Variants in SF3B3 observed in about 807,000 individuals in gnomAD.
SF3B3 encodes splicing factor 3b subunit 3.
A neutral mutation model predicts 139.2 loss-of-function variants in SF3B3; 33 were observed. That is an observed-to-expected ratio of 0.24 (90% CI 0.18 to 0.32). SF3B3 has a LOEUF of 0.32. Among genes scored for constraint, SF3B3 ranks in the 10% least tolerant of loss-of-function variants. SF3B3 has a pLI of 1.00. For missense variants in SF3B3, 818 were observed against 1,509.4 expected, an observed-to-expected ratio of 0.54 and a Z score of 7.59; for synonymous variants, 596 against 563.6, an observed-to-expected ratio of 1.06 and a Z score of -0.81.
intron 5 of SF3B3, 40 bp from the exon 6 acceptor site, chr16:70,535,268 C>G: frequency 9.6e-7 from 1 of 1,042,370 alleles, no homozygotes; most frequent in South Asian, 1.5e-5. Context: ...AAATTCATGT[C>G]TGAGTCAAAG....
At chr16:70,565,592 A>G in intron 20 of SF3B3, 68 bp downstream of exon 20, 2 of 1,458,422 alleles carry the variant, frequency 1.4e-6, no homozygotes, top group African/African-American at 1.4e-5. Context: ...TGCTTATGTT[A>G]TGGATCAGGT....
At chr16:70,564,613 CT>C (rs2050458565) in intron 18 of SF3B3, among the ~76,000 whole-genome samples, 1 of 152,180 alleles carries the variant, frequency 6.6e-6, no homozygotes, top group Non-Finnish European at 1.5e-5. Context: ...AAAGAGACAG[CT>C]TTCATGTTCT....
At chr16:70,555,477 CAAAAA>C (rs33955800) in intron 13 of SF3B3, among the ~76,000 whole-genome samples, 5 of 73,114 alleles carry the variant, frequency 6.8e-5, no homozygotes, top group South Asian at 9.1e-4. Context: ...GACTCCGTCT[CAAAAA>C]AAAAAAAAAA....
rs2050577726 is a variant in SF3B3, at chr16:70,576,100, AG to A, written c.*4288del. 6.6e-6 allele frequency: 1 copy of A among 151,974 alleles called. No homozygotes were observed. Among genetic ancestry groups the A allele is most frequent in the African/African-American group, 2.4e-5 (1 of 41,344 alleles). The allele number at this position is 151,974 out of a possible 1,614,324, so 9.4% of individuals were successfully genotyped here. ...GCCCTGTTTTTTTTTTTTTAAAAAA[AG>A]AGTCTGCTGGTGATGTCTGGGCATG... On this transcript the variant is annotated 3_prime_UTR_variant, in exon 26 of 26. Coordinates refer to ENST00000302516, the MANE Select transcript of SF3B3 (RefSeq NM_012426.5).
intron 9 of SF3B3, among the ~76,000 whole-genome samples, chr16:70,542,612 A>G (rs2050229919): frequency 1.3e-5 from 2 of 152,312 alleles, no homozygotes; most frequent in Middle Eastern, 3.4e-3. Context: ...GCATTCAGAC[A>G]GGTTTAATTA....
At chr16:70,538,633 A>G (rs767594038) in intron 7 of SF3B3, among the ~76,000 whole-genome samples, 173 bp downstream of exon 7, 3 of 152,242 alleles carry the variant, frequency 2.0e-5, no homozygotes, top group Admixed American at 6.5e-5. Flanking sequence ...GTAATCTTAC[A>G]TACAATATAA....
rs1469647150 is a variant in SF3B3 at position 70,576,578 on chromosome 16, T to A, written c.*4765T>A. The A allele has an allele frequency of 6.6e-6, 1 of 152,204 alleles. No homozygotes were observed. The highest frequency in any genetic ancestry group is 1.5e-5 in the Non-Finnish European group (1 of 68,044). The allele number at this position is 152,204 out of a possible 1,614,324, so 9.4% of individuals were successfully genotyped here. On this transcript the variant is annotated 3_prime_UTR_variant, in exon 26 of 26. Transcript: ENST00000302516. ...AGTAACACGTGATGGTCAAGGGAAGTACTACCATTTCCTGTGGGTTATTAG... is the reference window on the plus strand; with the variant it reads ...AGTAACACGTGATGGTCAAGGGAAGAACTACCATTTCCTGTGGGTTATTAG...
chr16:70,563,219 T>C (rs2151792732), intron 17 of SF3B3, among the ~76,000 whole-genome samples: 1 of 152,302 alleles, frequency 6.6e-6, no homozygotes, highest in Non-Finnish European at 1.5e-5. Flanking sequence ...ATCTGCCTGC[T>C]TTGGCCTCCC....
Position 70,571,864 on chromosome 16 carries a change from C to T in SF3B3, c.*51C>T, listed in dbSNP as rs757213454. The T allele has an allele frequency of 1.3e-6, 2 of 1,561,626 alleles. No individual in the cohort carries two copies. The highest frequency in any genetic ancestry group is 2.3e-5 in the East Asian group (1 of 44,366). The stretch of plus-strand genomic sequence containing the variant: ...CAGAGACTGTGTGTTTTGTTTCCCC[C>T]ACCACCATCACTGCCACCTGGCTTC... On this transcript the variant is annotated 3_prime_UTR_variant, in exon 26 of 26. Transcript: ENST00000302516.
intron 9 of SF3B3, 94 bp from the exon 10 acceptor site, chr16:70,544,344 G>A: frequency 1.4e-6 from 1 of 732,302 alleles, no homozygotes; most frequent in East Asian, 2.5e-5. Context: ...AATTGTATTG[G>A]AAAGCAGCTG....
At chr16:70,550,976 A>G (rs1459185483) in intron 11 of SF3B3, among the ~76,000 whole-genome samples, 3 of 152,252 alleles carry the variant, frequency 2.0e-5, no homozygotes, top group Non-Finnish European at 4.4e-5. Flanking sequence ...AGAGTTGTAC[A>G]TTCCAGGTGT....
chr16:70,552,855 A>G (rs80144511), intron 11 of SF3B3, among the ~76,000 whole-genome samples: 4,846 of 152,312 alleles, frequency 0.032, 286 homozygotes, highest in African/African-American at 0.11. Context: ...AACACATTAA[A>G]TTGATTTTAC....
At chr16:70,554,631 C>G in intron 12 of SF3B3, 34 bp downstream of exon 12, 9 of 1,611,166 alleles carry the variant, frequency 5.6e-6, no homozygotes, top group Non-Finnish European at 7.6e-6. Context: ...ACTTGGCCTG[C>G]TTTGTTCTTT....
At position 70,528,612 on chromosome 16, in the gene SF3B3, A is replaced by G. The variant is rs372413035; in HGVS notation, c.71-261A>G. 1.1e-4 allele frequency among the ~76,000 whole-genome samples: 16 copies of G among 151,556 alleles called. No homozygotes were observed. In the East Asian group the frequency reaches 2.2e-3, roughly 21 times the overall value. On this transcript the variant is annotated intron_variant, in intron 2 of 25. Transcript: ENST00000302516. ...GTAGCTGGGACTAGAGGCACAGGCC[A>G]TCACACCTGACTAATTTTTTTTTGA...
chr16:70,542,165 T>C (rs1472956192), intron 9 of SF3B3, among the ~76,000 whole-genome samples: 1 of 141,726 alleles, frequency 7.1e-6, no homozygotes, highest in Non-Finnish European at 1.5e-5. Context: ...TATTAACAAC[T>C]TCTTGTGACT....
chr16:70,540,600 A>G (rs962837088), intron 8 of SF3B3, among the ~76,000 whole-genome samples: 1 of 152,110 alleles, frequency 6.6e-6, no homozygotes, highest in African/African-American at 2.4e-5. Flanking sequence ...GGACTTAAGC[A>G]ATCCAAGCAA....
At chr16:70,543,904 A>C (rs1270626191) in intron 9 of SF3B3, among the ~76,000 whole-genome samples, 1 of 151,554 alleles carries the variant, frequency 6.6e-6, no homozygotes, top group African/African-American at 2.4e-5. Context: ...CCCAGGCTAG[A>C]GTGCAGTGGC....
intron 2 of SF3B3, 98 bp from the exon 3 acceptor site, chr16:70,528,775 G>C: frequency 1.2e-6 from 1 of 803,738 alleles, no homozygotes; most frequent in Non-Finnish European, 2.0e-6. Context: ...GTGCCACCAC[G>C]CCTGGCTAAT....
At chr16:70,561,352 C>G (rs945987404) in intron 16 of SF3B3, 2 of 291,928 alleles carry the variant, frequency 6.9e-6, no homozygotes, top group Non-Finnish European at 1.3e-5. Flanking sequence ...AGCTGTCCAG[C>G]CTTGTGGTAC....
Sources: gnomAD v4.1 joint callset for allele counts (sites outside exome capture counted in the v4.1 genomes callset) on GRCh38, gnomAD v4.1.1 for gene constraint, MANE v1.5 for transcripts, NCBI Gene and HGNC (gene_info 2026-07-23, HGNC 2026-07-21) for gene names.